The following MET variants were observed in gnomAD, a reference collection of about 807,000 sequenced individuals.
The protein encoded by MET is MET proto-oncogene, receptor tyrosine kinase.
Under a neutral mutation model 133.1 loss-of-function variants are expected in MET, and 48 were observed. The observed-to-expected ratio is 0.36, with a 90% CI of 0.29 to 0.46. MET has a LOEUF of 0.46. MET is among the 20% of genes least tolerant of loss of function. The pLI is 1.00. For missense variants in MET, 1,442 were observed against 1,695.9 expected (o/e 0.85, Z 2.63); for synonymous variants, 628 against 616.5 (o/e 1.02, Z -0.28).
intron 5 of MET, among the ~76,000 whole-genome samples, chr7:116,751,112 T>C (rs1342654767): frequency 6.6e-6 from 1 of 152,138 alleles, no homozygotes; most frequent in Non-Finnish European, 1.5e-5. Flanking sequence ...AATATAAAGA[T>C]ACATGCACAC....
intron 1 of MET, among the ~76,000 whole-genome samples, chr7:116,697,145 C>G (rs1450885120): frequency 2.0e-5 from 3 of 152,220 alleles, no homozygotes; most frequent in Non-Finnish European, 4.4e-5. Context: ...CCAGTGCAGT[C>G]TACCCTAGTT....
At position 116,734,545 on chromosome 7, in the gene MET, G is replaced by A. The variant is rs148910731; in HGVS notation, c.1392+2686G>A. ...TGACATGTTCCTAACATTTAATGAT[G>A]TGTAACTTATCTTGTACAGGTGCAG... On this transcript the variant is annotated intron_variant, in intron 3 of 20. Coordinates refer to ENST00000397752, the MANE Select transcript of MET (RefSeq NM_000245.4). Among the ~76,000 whole-genome samples, 1,051 of 152,336 alleles carry A rather than the reference G, an allele frequency of 6.9e-3. 8 individuals carry two copies. The highest frequency in any genetic ancestry group is 9.1e-3 in the Non-Finnish European group (618 of 68,032).
intron 8 of MET, 157 bp downstream of exon 8, chr7:116,757,931 C>A (rs906980961): frequency 6.4e-6 from 5 of 783,978 alleles, no homozygotes; most frequent in Middle Eastern, 3.8e-4. Context: ...TTCCAAAATT[C>A]ATCTACTCCT....
intron 1 of MET, among the ~76,000 whole-genome samples, chr7:116,672,874 G>C (rs1796024247): frequency 6.6e-6 from 1 of 152,238 alleles, no homozygotes; most frequent in East Asian, 1.9e-4. Context: ...TTAAAGCTGG[G>C]ATCTGACTCA....
At chr7:116,724,139 C>G (rs1341699599) in intron 2 of MET, 1 of 175,042 alleles carries the variant, frequency 5.7e-6, no homozygotes, top group East Asian at 1.8e-4. Flanking sequence ...AGCGGGACTC[C>G]GTGGGCGTAG....
At chr7:116,727,467 G>T (rs1792839130) in intron 2 of MET, among the ~76,000 whole-genome samples, 1 of 152,104 alleles carries the variant, frequency 6.6e-6, no homozygotes, top group African/African-American at 2.4e-5. Context: ...GAAAAAGTTT[G>T]ATTTCCTCCC....
At chr7:116,709,920 T>G (rs1444503446) in intron 2 of MET, among the ~76,000 whole-genome samples, 1 of 152,182 alleles carries the variant, frequency 6.6e-6, no homozygotes, top group Non-Finnish European at 1.5e-5. Flanking sequence ...CTTAAGGAAC[T>G]GAATTAAATG....
intron 5 of MET, chr7:116,741,247 C>G (rs747089056): frequency 4.2e-4 from 237 of 558,014 alleles, no homozygotes; most frequent in Middle Eastern, 2.5e-3. Context: ...GGCATCCCCC[C>G]AAGTCCTGCA....
At chr7:116,721,787 G>C (rs961090362) in intron 2 of MET, among the ~76,000 whole-genome samples, 4 of 152,110 alleles carry the variant, frequency 2.6e-5, no homozygotes, top group Non-Finnish European at 5.9e-5. Context: ...CCATGTAGTT[G>C]AGCGGTTTTG....
rs116952382 is a variant in MET at position 116,673,492 on chromosome 7, T to C, written c.-15+915T>C. 9.2e-3 allele frequency among the ~76,000 whole-genome samples: 1,405 copies of C among 152,350 alleles called. 87 individuals are homozygous for C. The highest frequency in any genetic ancestry group is 0.08 in the Admixed American group (1,230 of 15,302). ...TGTGAGAGGATTGTAAGAACTGACG[T>C]TGGAGGCAATATAGACTATCTGGAC... On this transcript the variant is annotated intron_variant, in intron 1 of 20. Transcript: ENST00000397752.
In MET at chr7:116,741,044, TG is replaced by T; in HGVS notation, c.1701+21del. The T allele has an allele frequency of 6.2e-7, 1 of 1,601,998 alleles. No homozygotes were observed. Among genetic ancestry groups the T allele is most frequent in the Non-Finnish European group, 8.5e-7 (1 of 1,173,190 alleles). The stretch of plus-strand genomic sequence containing the variant: ...CTACAAGGTAGGAATCTCTAACAGC[TG>T]GCATACATGTTTTTGTTTGGTGTTT... On this transcript the variant is annotated intron_variant, in intron 5 of 20. Transcript: ENST00000397752.
intron 19 of MET, among the ~76,000 whole-genome samples, chr7:116,783,825 G>A (rs1025593394): frequency 6.6e-6 from 1 of 152,226 alleles, no homozygotes; most frequent in Non-Finnish European, 1.5e-5. Context: ...ATAGCCCCAG[G>A]CGAGCAAGAA....
intron 1 of MET, among the ~76,000 whole-genome samples, chr7:116,689,420 C>G (rs771627874): frequency 1.3e-5 from 2 of 152,032 alleles, no homozygotes; most frequent in Admixed American, 6.6e-5. Flanking sequence ...CATTTGCTGA[C>G]GACTAGGATT....
chr7:116,725,485 T>TATAC (rs1034429722), intron 2 of MET, among the ~76,000 whole-genome samples: 125 of 149,464 alleles, frequency 8.4e-4, no homozygotes, highest in African/African-American at 1.8e-3. Context: ...TATATATATA[T>TATAC]ACACACACAC....
At chr7:116,706,859 T>C (rs187390486) in intron 2 of MET, among the ~76,000 whole-genome samples, 4 of 150,822 alleles carry the variant, frequency 2.7e-5, no homozygotes, top group African/African-American at 9.7e-5. Flanking sequence ...GCTCAGCTAC[T>C]CCTGAAGTCA....
At chr7:116,769,613 T>A (rs761812322) in intron 11 of MET, 32 bp from the exon 12 acceptor site, 1 of 1,599,450 alleles carries the variant, frequency 6.3e-7, no homozygotes, top group South Asian at 1.1e-5. Context: ...CTGTGAAGTG[T>A]TAACAACCTT....
intron 1 of MET, among the ~76,000 whole-genome samples, chr7:116,673,664 G>C (rs1463971718): frequency 6.6e-6 from 1 of 152,172 alleles, no homozygotes; most frequent in Non-Finnish European, 1.5e-5. Context: ...AACTATTATA[G>C]CTGACTAATG....
chr7:116,727,094 G>A (rs1420220785), intron 2 of MET, among the ~76,000 whole-genome samples: 1 of 152,184 alleles, frequency 6.6e-6, no homozygotes, highest in African/African-American at 2.4e-5. Flanking sequence ...AGGTTTGAGA[G>A]CCAAGCTGAT....
At chr7:116,706,868 C>T (rs952113592) in intron 2 of MET, among the ~76,000 whole-genome samples, 1 of 148,874 alleles carries the variant, frequency 6.7e-6, no homozygotes, top group Non-Finnish European at 1.5e-5. Flanking sequence ...CTCCTGAAGT[C>T]ATTAAAACTC....
Sources: gnomAD v4.1 joint callset for allele counts (sites outside exome capture counted in the v4.1 genomes callset) on GRCh38, gnomAD v4.1.1 for gene constraint, MANE v1.5 for transcripts, NCBI Gene and HGNC (gene_info 2026-07-23, HGNC 2026-07-21) for gene names.